SYT16: variants seen among roughly 807,000 people sequenced by gnomAD.
The protein encoded by SYT16 is synaptotagmin-16.
SYT16 carries 42 observed loss-of-function variants against 61.4 expected under a neutral mutation model. That is an observed-to-expected ratio of 0.68 (90% CI 0.53 to 0.89). The LOEUF is 0.89. Ranked by LOEUF, SYT16 falls within the 40% of genes least tolerant of loss-of-function variation. The pLI, the probability that SYT16 is intolerant of heterozygous loss-of-function variation, is 0.00. For missense variants in SYT16, 804 were observed against 807.3 expected (o/e 1.00, Z 0.05); for synonymous variants, 314 against 302.3 (o/e 1.04, Z -0.40).
chr14:61,852,567 A>G (rs1428362048), intron 1 of SYT16, among the ~76,000 whole-genome samples: 1 of 152,080 alleles, frequency 6.6e-6, no homozygotes, highest in Non-Finnish European at 1.5e-5. Context: ...ATGTTTCTCT[A>G]TTTATTTGTG....
At chr14:61,815,857 T>A (rs534504508) in intron 1 of SYT16, among the ~76,000 whole-genome samples, 1 of 152,360 alleles carries the variant, frequency 6.6e-6, no homozygotes, top group Non-Finnish European at 1.5e-5. Context: ...TTTATTTTTT[T>A]ATTCCATTTA....
intron 1 of SYT16, among the ~76,000 whole-genome samples, chr14:61,827,650 A>T (rs11158365): frequency 0.13 from 19,301 of 151,866 alleles, 1,269 homozygotes; most frequent in African/African-American, 0.15. Context: ...TTTTTTGGTT[A>T]TTCTATTTCC....
At chr14:62,018,532 C>G (rs2053791170) in intron 3 of SYT16, among the ~76,000 whole-genome samples, 1 of 151,992 alleles carries the variant, frequency 6.6e-6, no homozygotes, top group Non-Finnish European at 1.5e-5. Flanking sequence ...GTCTCGAACT[C>G]CTGACCTCAG....
At chr14:61,837,605 GT>G (rs940519148) in intron 1 of SYT16, among the ~76,000 whole-genome samples, 1 of 152,132 alleles carries the variant, frequency 6.6e-6, no homozygotes, top group Non-Finnish European at 1.5e-5. Context: ...CTCTTGGAGG[GT>G]TTGCCTCTAG....
At chr14:62,020,252 A>G (rs2053859053) in intron 3 of SYT16, among the ~76,000 whole-genome samples, 2 of 152,194 alleles carry the variant, frequency 1.3e-5, no homozygotes, top group South Asian at 4.1e-4. Flanking sequence ...ATTTTCTTAA[A>G]GAATTTTTTC....
intron 7 of SYT16, among the ~76,000 whole-genome samples, chr14:62,095,298 A>G (rs1021550082): frequency 2.0e-5 from 3 of 152,036 alleles, no homozygotes; most frequent in African/African-American, 7.2e-5. Context: ...GCAGTTAAGT[A>G]TAATAAGAAA....
chr14:61,818,509 C>A (rs1391097183), intron 1 of SYT16, among the ~76,000 whole-genome samples: 1 of 152,052 alleles, frequency 6.6e-6, no homozygotes, highest in Non-Finnish European at 1.5e-5. Flanking sequence ...GAAACCCCAT[C>A]TCTACTAAAA....
At chr14:62,055,180 A>T (rs1464309989) in intron 3 of SYT16, among the ~76,000 whole-genome samples, 1 of 152,238 alleles carries the variant, frequency 6.6e-6, no homozygotes, top group Non-Finnish European at 1.5e-5. Flanking sequence ...AGTTCTCAGC[A>T]GAGTAAATTA....
intron 1 of SYT16, among the ~76,000 whole-genome samples, chr14:61,885,851 G>A (rs1052424129): frequency 2.0e-5 from 3 of 152,046 alleles, no homozygotes; most frequent in African/African-American, 7.2e-5. Flanking sequence ...AATACCAACA[G>A]TCATCTAAGT....
At chr14:61,841,656 T>C (rs180765527) in intron 1 of SYT16, among the ~76,000 whole-genome samples, 9 of 152,312 alleles carry the variant, frequency 5.9e-5, no homozygotes, top group Admixed American at 3.3e-4. Flanking sequence ...TAATTTTCAG[T>C]CCTTCCCTCT....
intron 1 of SYT16, among the ~76,000 whole-genome samples, chr14:61,831,023 G>T (rs970891160): frequency 6.6e-6 from 1 of 152,168 alleles, no homozygotes; most frequent in Non-Finnish European, 1.5e-5. Flanking sequence ...CCTCTTCCAC[G>T]TCCTTTGGCT....
intron 3 of SYT16, among the ~76,000 whole-genome samples, chr14:62,045,627 G>A (rs1434306369): frequency 1.3e-5 from 2 of 151,828 alleles, no homozygotes; most frequent in South Asian, 2.1e-4. Context: ...AACAGGCCCC[G>A]GTGTGTGATG....
intron 1 of SYT16, among the ~76,000 whole-genome samples, chr14:61,868,357 G>A (rs2047226303): frequency 6.6e-6 from 1 of 151,312 alleles, no homozygotes; most frequent in Non-Finnish European, 1.5e-5. Context: ...GCTTTCATCT[G>A]CTTATTATTA....
At chr14:61,909,069 G>C (rs1208780057) in intron 1 of SYT16, among the ~76,000 whole-genome samples, 1 of 152,012 alleles carries the variant, frequency 6.6e-6, no homozygotes, top group African/African-American at 2.4e-5. Flanking sequence ...CAAAGTGCTG[G>C]GATTACAGGC....
At chr14:61,863,618 A>G (rs556658623) in intron 1 of SYT16, among the ~76,000 whole-genome samples, 2 of 152,376 alleles carry the variant, frequency 1.3e-5, no homozygotes, top group African/African-American at 4.8e-5. Flanking sequence ...TAATTTTAAT[A>G]AAGTCCAACT....
At chr14:62,067,047 C>G (rs1248194097) in intron 3 of SYT16, among the ~76,000 whole-genome samples, 1 of 151,980 alleles carries the variant, frequency 6.6e-6, no homozygotes, top group Non-Finnish European at 1.5e-5. Context: ...AGATTCCTGA[C>G]TAGTGTATAT....
At chr14:61,867,460 C>T (rs921786618) in intron 1 of SYT16, among the ~76,000 whole-genome samples, 2 of 151,964 alleles carry the variant, frequency 1.3e-5, no homozygotes, top group Admixed American at 6.6e-5. Context: ...AGTGAATTTC[C>T]CCTGTAGCCA....
chr14:61,975,316 A>T (rs1380398952), intron 2 of SYT16, among the ~76,000 whole-genome samples: 1 of 152,224 alleles, frequency 6.6e-6, no homozygotes, highest in Non-Finnish European at 1.5e-5. Context: ...TTAAATGGCA[A>T]GGCTGGGAGT....
intron 1 of SYT16, among the ~76,000 whole-genome samples, chr14:61,946,357 G>A (rs1173647927): frequency 2.6e-5 from 4 of 152,130 alleles, no homozygotes; most frequent in Non-Finnish European, 5.9e-5. Flanking sequence ...ATGGATATGC[G>A]TGGAATATCC....
Sources: gnomAD v4.1 joint callset for allele counts (sites outside exome capture counted in the v4.1 genomes callset) on GRCh38, gnomAD v4.1.1 for gene constraint, MANE v1.5 for transcripts, NCBI Gene and HGNC (gene_info 2026-07-23, HGNC 2026-07-21) for gene names.